The following MEGF8 variants were observed in gnomAD, a reference collection of about 807,000 sequenced individuals.
The protein encoded by MEGF8 is multiple epidermal growth factor-like domains protein 8.
Under a neutral mutation model 302.9 loss-of-function variants are expected in MEGF8, and 156 were observed. The ratio of observed to expected loss-of-function variants is 0.52; its 90% CI spans 0.45 to 0.59. The LOEUF (loss-of-function observed/expected upper bound fraction) is 0.59, where lower values mean the gene tolerates loss of function less well. MEGF8 is among the 20% of genes least tolerant of loss of function. The pLI is 0.00. For missense variants in MEGF8, 3,345 were observed against 3,964.5 expected, an observed-to-expected ratio of 0.84 and a Z score of 4.20; for synonymous variants, 1,621 against 1,660.5, an observed-to-expected ratio of 0.98 and a Z score of 0.58.
chr19:42,333,748 A>C lies in MEGF8; in HGVS notation c.331A>C (p.Ile111Leu), dbSNP rs1306126023. Residue 111 changes from isoleucine (I) to leucine (L), a missense_variant, in exon 2 of 42, where the codon ATC (isoleucine) becomes CTC (leucine). Ile to Leu is a conservative substitution (Grantham distance 5). Coordinates refer to ENST00000251268, the MANE Select transcript of MEGF8 (RefSeq NM_001271938.2). ...SLSGSTRPPPIEASSGKMLLH... is the reference protein window; with the variant it reads ...SLSGSTRPPPLEASSGKMLLH... ...AAGTGGGAGCACCCGACCTCCGCCCATCGAAGCTTCCTCAGGCAAGGTTAG... is the reference window on the plus strand; with the variant it reads ...AAGTGGGAGCACCCGACCTCCGCCCCTCGAAGCTTCCTCAGGCAAGGTTAG... 1 of 1,613,908 alleles carries C rather than the reference A, an allele frequency of 6.2e-7. No individual in the cohort carries two copies. The highest frequency in any genetic ancestry group is 1.7e-5 in the Admixed American group (1 of 60,014).
In MEGF8 at chr19:42,356,783, G is replaced by T; in HGVS notation, c.4632G>T (p.Val1544=). 6.5e-7 allele frequency: 1 copy of T among 1,549,930 alleles called. No individual in the cohort carries two copies. The highest frequency in any genetic ancestry group is 1.2e-5 in the South Asian group (1 of 84,012). ...TGCACCCTGGCCCCAGGTACTCAGT[G>T]AGTGAGCGGCGGTGGACACAGATGC... ...GLLGNLYRYS[V]SERRWTQMLA... The change falls in exon 27 of 42, where the codon GTG becomes GTT. Residue 1544 remains valine (V), a synonymous_variant. Coordinates refer to ENST00000251268, the MANE Select transcript of MEGF8 (RefSeq NM_001271938.2). The surrounding 1 kb of genome is among the most constrained non-coding windows in gnomAD (Gnocchi z 5.2).
At position 42,375,798 on chromosome 19, in the gene MEGF8, G is replaced by C; in HGVS notation, c.7561G>C (p.Val2521Leu). The change falls in exon 42 of 42, where the codon GTC (valine) becomes CTC (leucine). Residue 2521 changes from valine (V) to leucine (L), a missense_variant. Coordinates refer to ENST00000251268, the MANE Select transcript of MEGF8 (RefSeq NM_001271938.2). This position sits in a 1 kb window ranked among gnomAD's most constrained non-coding sequence, Gnocchi z 7.1. Reference sequence around the variant, plus strand: ...GGTCCGTGTGGCCCCTGACACTGGCGTCCATACTGTACACATCCAGCCACC... The same window carrying C: ...GGTCCGTGTGGCCCCTGACACTGGCCTCCATACTGTACACATCCAGCCACC... ...FVVRVAPDTGVHTVHIQPPPA... is the reference protein window; with the variant it reads ...FVVRVAPDTGLHTVHIQPPPA... The C allele has an allele frequency of 6.2e-7, 1 of 1,612,788 alleles. No homozygotes were observed. The highest frequency in any genetic ancestry group is 8.5e-7 in the Non-Finnish European group (1 of 1,179,802).
rs774066027 is a variant in MEGF8, at chr19:42,375,079, T to A, written c.7270-428T>A. Among the ~76,000 whole-genome samples, 9 of 152,148 alleles carry A rather than the reference T, an allele frequency of 5.9e-5. No individual in the cohort carries two copies. Among genetic ancestry groups the A allele is most frequent in the South Asian group, 2.1e-4 (1 of 4,826 alleles). ...CCTGCGCCGAGTGCCATGCACATGA[T>A]CTCAGTGGTCCTGTGAGCGAGCCGT... is the stretch of plus-strand genomic sequence containing the variant. On this transcript the variant is annotated intron_variant, in intron 41 of 41. Coordinates refer to ENST00000251268, the MANE Select transcript of MEGF8 (RefSeq NM_001271938.2). This position sits in a 1 kb window ranked among gnomAD's most constrained non-coding sequence, Gnocchi z 7.1.
intron 1 of MEGF8, among the ~76,000 whole-genome samples, chr19:42,331,871 C>CT (rs1165664262): frequency 1.5e-3 from 171 of 116,366 alleles, no homozygotes; most frequent in East Asian, 3.0e-3. Flanking sequence ...CACCCAGCCT[C>CT]TTTTTTTTTT....
At chr19:42,373,706 G>GTTTTTTTTTTTTTTTT (rs750576656) in intron 41 of MEGF8, among the ~76,000 whole-genome samples, 1 of 100,988 alleles carries the variant, frequency 9.9e-6, no homozygotes, top group African/African-American at 3.7e-5. Context: ...GGGCTTTTGG[G>GTTTTTTTTTTTTTTTT]TTTTTTTTTT....
At chr19:42,340,264 C>G (rs2039193297) in intron 8 of MEGF8, among the ~76,000 whole-genome samples, 1 of 152,136 alleles carries the variant, frequency 6.6e-6, no homozygotes. Context: ...GAGTCTTGCT[C>G]TGTTGCCCAG....
At chr19:42,370,422 G>A (rs1451378480) in intron 39 of MEGF8, 63 bp downstream of exon 39, 15 of 1,398,396 alleles carry the variant, frequency 1.1e-5, no homozygotes, top group Non-Finnish European at 1.5e-5. Flanking sequence ...TCCTGGGTCT[G>A]AGGGAGGAGG....
chr19:42,369,095 G>A lies in MEGF8; in HGVS notation c.6641+93G>A, dbSNP rs1215831948. On this transcript the variant is annotated intron_variant, in intron 37 of 41. Transcript: ENST00000251268. The surrounding 1 kb of genome is among the most constrained non-coding windows in gnomAD (Gnocchi z 5.7). The stretch of plus-strand genomic sequence containing the variant: ...ATGAGGCCTAGAGCCAAGCAGGACA[G>A]AAGAAAAGAAAGCTCGAGGCATGAA... 21 of 1,484,290 alleles carry A rather than the reference G, an allele frequency of 1.4e-5. No individual in the cohort carries two copies. The highest frequency in any genetic ancestry group is 1.9e-5 in the Non-Finnish European group (21 of 1,108,416). 91.9% of individuals were successfully genotyped at this position (1,484,290 alleles called of 1,614,324 possible). A position where few individuals can be genotyped will look rare whatever the true frequency, so the allele number is the denominator to read the frequency against.
At chr19:42,343,396 T>C in intron 8 of MEGF8, 81 bp from the exon 9 acceptor site, 1 of 1,447,938 alleles carries the variant, frequency 6.9e-7, no homozygotes, top group Non-Finnish European at 9.3e-7. Flanking sequence ...GGCTGGGCTG[T>C]GGCCCAGGAG....
Position 42,358,190 on chromosome 19 carries a change from C to G in MEGF8, c.5058C>G (p.Leu1686=), listed in dbSNP as rs1465895812. The G allele has an allele frequency of 6.2e-7, 1 of 1,602,770 alleles. No homozygotes were observed. The highest frequency in any genetic ancestry group is 2.3e-5 in the East Asian group (1 of 44,440). The change falls in exon 29 of 42, where the codon CTC becomes CTG. Residue 1686 remains leucine, a synonymous_variant. Transcript: ENST00000251268. The surrounding 1 kb of genome is among the most constrained non-coding windows in gnomAD (Gnocchi z 4.4). ...TCTACCACGAGGCCACCGACTCCCT[C>G]TACGTGTTTGGGGGGTTCCGATTCC... The part of the protein sequence containing the change: ...SAVYHEATDS[L]YVFGGFRFHV...
Position 42,351,561 on chromosome 19 carries a change from G to A in MEGF8, c.2987+1G>A. 6.2e-7 allele frequency: 1 copy of A among 1,608,826 alleles called. No homozygotes were observed. Among genetic ancestry groups the A allele is most frequent in the Non-Finnish European group, 8.5e-7 (1 of 1,177,908 alleles). On this transcript the variant is annotated splice_donor_variant, in intron 17 of 41. Coordinates refer to ENST00000251268, the MANE Select transcript of MEGF8 (RefSeq NM_001271938.2). LOFTEE classifies it high-confidence loss of function. The surrounding 1 kb of genome is among the most constrained non-coding windows in gnomAD (Gnocchi z 5.6). ...GGGGCTGTCGAGGCTGGGACGACAGGTATGGTCCCTGGGGCAGGGCTAACA... is the reference window on the plus strand; with the variant it reads ...GGGGCTGTCGAGGCTGGGACGACAGATATGGTCCCTGGGGCAGGGCTAACA...
At chr19:42,333,836 C>T in intron 2 of MEGF8, 68 bp downstream of exon 2, 1 of 1,583,282 alleles carries the variant, frequency 6.3e-7, no homozygotes, top group Non-Finnish European at 8.6e-7. Context: ...GACAGAGAGT[C>T]AGTAAGAGGG....
At position 42,377,246 on chromosome 19, in the gene MEGF8, C is replaced by T. The variant is rs943759860; in HGVS notation, c.*471C>T. On this transcript the variant is annotated 3_prime_UTR_variant, in exon 42 of 42. Transcript: ENST00000251268. ...GAGAACGCCTGAGAAGAACCAGCTA[C>T]GGGAAGAGCTTTGGGAAGCAAAGGC... 8 of 156,056 alleles carry T rather than the reference C, an allele frequency of 5.1e-5. No individual in the cohort carries two copies. The highest frequency in any genetic ancestry group is 1.1e-4 in the Non-Finnish European group (8 of 70,712). The allele number at this position is 156,056 out of a possible 1,614,324, so 9.7% of individuals were successfully genotyped here. A position where few individuals can be genotyped will look rare whatever the true frequency, so the allele number is the denominator to read the frequency against.
intron 1 of MEGF8, among the ~76,000 whole-genome samples, chr19:42,327,269 T>C (rs1260792092): frequency 6.6e-6 from 1 of 152,226 alleles, no homozygotes; most frequent in African/African-American, 2.4e-5. Flanking sequence ...TGTTTCCCAT[T>C]GGACATAGCC....
At chr19:42,338,623 C>T (rs985193077) in intron 8 of MEGF8, among the ~76,000 whole-genome samples, 1 of 152,058 alleles carries the variant, frequency 6.6e-6, no homozygotes, top group African/African-American at 2.4e-5. Context: ...TTCTTTGTGT[C>T]CCTGTACACT....
intron 35 of MEGF8, among the ~76,000 whole-genome samples, chr19:42,365,546 A>G (rs1312119940): frequency 6.7e-6 from 1 of 149,628 alleles, no homozygotes; most frequent in African/African-American, 2.5e-5. Flanking sequence ...CAGATTGATT[A>G]CTTGAGGCCA....
rs2039790790 is a variant in MEGF8, at chr19:42,377,974, A to T, written c.*1199A>T. ...GATGTCAGGGTGAGGGAGGAGACAA[A>T]ACCACGATGACCCCTAGCTTTGTGG... On this transcript the variant is annotated 3_prime_UTR_variant, in exon 42 of 42. Coordinates refer to ENST00000251268, the MANE Select transcript of MEGF8 (RefSeq NM_001271938.2). 6.6e-6 allele frequency: 1 copy of T among 152,144 alleles called. No individual in the cohort carries two copies. The highest frequency in any genetic ancestry group is 1.5e-5 in the Non-Finnish European group (1 of 68,060). The allele number at this position is 152,144 out of a possible 1,614,324, so 9.4% of individuals were successfully genotyped here. A position where few individuals can be genotyped will look rare whatever the true frequency, so the allele number is the denominator to read the frequency against.
Position 42,376,090 on chromosome 19 carries a change from G to A in MEGF8, c.7853G>A (p.Gly2618Asp). ...AGCCGCTTCTACCTGCTGCTGCTGGGCGTGGGAGACCCAAGTGGGCCCGGC... is the reference window on the plus strand; with the variant it reads ...AGCCGCTTCTACCTGCTGCTGCTGGACGTGGGAGACCCAAGTGGGCCCGGC... ...KSSRFYLLLLGVGDPSGPGAN... is the reference protein window; with the variant it reads ...KSSRFYLLLLDVGDPSGPGAN... Residue 2618 changes from glycine (G) to aspartate (D), a missense_variant, in exon 42 of 42, where the codon GGC (glycine) becomes GAC (aspartate). Physicochemically the swap from Gly to Asp is moderately conservative, Grantham distance 94 (BLOSUM62 -1). Transcript: ENST00000251268. This position sits in a 1 kb window ranked among gnomAD's most constrained non-coding sequence, Gnocchi z 8.2. 6.2e-6 allele frequency: 10 copies of A among 1,606,294 alleles called. No individual in the cohort carries two copies. Among genetic ancestry groups the A allele is most frequent in the Non-Finnish European group, 8.5e-6 (10 of 1,179,718 alleles).
At chr19:42,347,249 T>G (rs2039303314) in intron 12 of MEGF8, among the ~76,000 whole-genome samples, 1 of 151,910 alleles carries the variant, frequency 6.6e-6, no homozygotes, top group African/African-American at 2.4e-5. Flanking sequence ...ATGAACATTA[T>G]ACGACTGCTT....
Sources: allele counts gnomAD v4.1 joint callset (sites outside exome capture counted in the v4.1 genomes callset), GRCh38; gene constraint gnomAD v4.1.1; non-coding constraint Gnocchi (gnomAD v3.1); transcripts MANE v1.5; gene names NCBI Gene and HGNC (gene_info 2026-07-23, HGNC 2026-07-21).